The following PTK2 variants were observed in gnomAD, a reference collection of about 807,000 sequenced individuals.
PTK2 encodes protein tyrosine kinase 2, also known as focal adhesion kinase 1.
In PTK2, 45 loss-of-function variants were observed where a neutral mutation model predicts 150.1. That is an observed-to-expected ratio of 0.30 (90% CI 0.24 to 0.38). PTK2 has a LOEUF of 0.38. Ranked by LOEUF, PTK2 falls within the 10% of genes least tolerant of loss-of-function variation. PTK2 has a pLI of 1.00. For synonymous variants in PTK2, 432 were observed against 449.2 expected (o/e 0.96, Z 0.48); for missense variants, 919 against 1,307.3 (o/e 0.70, Z 4.58).
chr8:140,905,326 G>T (rs966707435), intron 2 of PTK2, among the ~76,000 whole-genome samples: 6 of 148,676 alleles, frequency 4.0e-5, no homozygotes, highest in Non-Finnish European at 9.0e-5. Context: ...AGGGATGGAG[G>T]AATATTTACC....
At chr8:140,946,548 A>G (rs764341106) in intron 1 of PTK2, among the ~76,000 whole-genome samples, 1 of 152,140 alleles carries the variant, frequency 6.6e-6, no homozygotes, top group Non-Finnish European at 1.5e-5. Context: ...CCTAAAACAG[A>G]TTATTTCCGT....
chr8:140,681,576 G>C (rs1176908247), intron 27 of PTK2, among the ~76,000 whole-genome samples: 7 of 152,094 alleles, frequency 4.6e-5, no homozygotes, highest in Admixed American at 6.5e-5. Flanking sequence ...AGGAGATCGA[G>C]ACCATCCCGG....
intron 29 of PTK2, 34 bp downstream of exon 33, chr8:140,669,693 G>A: frequency 6.5e-7 from 1 of 1,530,212 alleles, no homozygotes; most frequent in Non-Finnish European, 8.8e-7. Context: ...GATAGAGAGA[G>A]CTGGACAGAC....
intron 30 of PTK2, 86 bp from the exon 35 acceptor site, chr8:140,665,083 C>T: frequency 1.6e-6 from 2 of 1,267,178 alleles, no homozygotes; most frequent in South Asian, 2.8e-5. Flanking sequence ...ATTTCCTTTC[C>T]ACAAGTTTCA....
At chr8:140,870,702 T>C (rs985863744) in intron 4 of PTK2, among the ~76,000 whole-genome samples, 1 of 152,142 alleles carries the variant, frequency 6.6e-6, no homozygotes, top group Non-Finnish European at 1.5e-5. Flanking sequence ...TTACAAAGAC[T>C]TAAAAGACAA....
intron 17 of PTK2, among the ~76,000 whole-genome samples, chr8:140,749,143 T>G (rs1297628387): frequency 6.6e-6 from 1 of 152,214 alleles, no homozygotes; most frequent in Non-Finnish European, 1.5e-5. Flanking sequence ...GAACAGGACC[T>G]GGTAGTTTTT....
chr8:140,790,251 C>T (rs1209182163), intron 13 of PTK2, among the ~76,000 whole-genome samples: 2 of 152,124 alleles, frequency 1.3e-5, no homozygotes, highest in African/African-American at 4.8e-5. Flanking sequence ...GAAATATTGA[C>T]ATTTAAAACA....
intron 2 of PTK2, among the ~76,000 whole-genome samples, chr8:140,901,164 G>C (rs1284813208): frequency 1.3e-5 from 2 of 152,162 alleles, no homozygotes; most frequent in Non-Finnish European, 2.9e-5. Context: ...GTGGGGAAAT[G>C]ATAGTTCCTT....
chr8:140,875,703 A>G (rs1391267064), intron 4 of PTK2, among the ~76,000 whole-genome samples: 3 of 152,162 alleles, frequency 2.0e-5, no homozygotes, highest in Non-Finnish European at 4.4e-5. Context: ...TTATTCCCCT[A>G]CTGCACCATC....
chr8:140,857,562 C>T (rs773710896), intron 5 of PTK2, among the ~76,000 whole-genome samples: 13 of 152,074 alleles, frequency 8.5e-5, no homozygotes, highest in Non-Finnish European at 1.8e-4. Context: ...ACTGGGGTCA[C>T]AAGAAGGTAA....
At chr8:140,680,477 C>G (rs1320545798) in intron 27 of PTK2, among the ~76,000 whole-genome samples, 1 of 152,116 alleles carries the variant, frequency 6.6e-6, no homozygotes, top group Non-Finnish European at 1.5e-5. Flanking sequence ...TGATCCACCG[C>G]TCCTGGCCAC....
At chr8:140,755,202 G>C (rs1277010499) in intron 16 of PTK2, among the ~76,000 whole-genome samples, 6 of 152,194 alleles carry the variant, frequency 3.9e-5, no homozygotes, top group Non-Finnish European at 8.8e-5. Flanking sequence ...GAATGTGCCA[G>C]TGATCAGCAG....
chr8:140,977,235 T>G (rs2100189591), intron 1 of PTK2, among the ~76,000 whole-genome samples: 1 of 151,820 alleles, frequency 6.6e-6, no homozygotes, highest in African/African-American at 2.4e-5. Context: ...AAAGAAAATT[T>G]AAAAATTAGC....
chr8:140,762,435 ATAAC>A, intron 15 of PTK2, 47 bp from the exon 18 acceptor site: 1 of 1,023,512 alleles, frequency 9.8e-7, no homozygotes, highest in Non-Finnish European at 1.2e-6. Context: ...TTGCTTAGAA[ATAAC>A]TAACAGCAAT....
exon 4 of PTK2, chr8:140,879,587 G>A: frequency 6.3e-7 from 1 of 1,577,178 alleles, no homozygotes; most frequent in Non-Finnish European, 8.6e-7. Flanking sequence ...GGAATCCATA[G>A]CAGGCCACAT....
At chr8:140,989,109 G>A (rs890938761) in intron 1 of PTK2, among the ~76,000 whole-genome samples, 8 of 149,594 alleles carry the variant, frequency 5.3e-5, no homozygotes, top group African/African-American at 7.4e-5. Context: ...TGGGCACAGC[G>A]GCTCACACTT....
chr8:140,958,057 G>C (rs1439761928), intron 1 of PTK2, among the ~76,000 whole-genome samples: 1 of 152,128 alleles, frequency 6.6e-6, no homozygotes, highest in East Asian at 1.9e-4. Flanking sequence ...TTCTTGACAT[G>C]TTACATATTT....
At chr8:140,727,996 G>T (rs1327761001) in intron 22 of PTK2, among the ~76,000 whole-genome samples, 1 of 152,036 alleles carries the variant, frequency 6.6e-6, no homozygotes, top group African/African-American at 2.4e-5. Context: ...AGGAGTTCAG[G>T]ACCAGCCTGG....
intron 2 of PTK2, among the ~76,000 whole-genome samples, chr8:140,891,905 G>C (rs550510622): frequency 2.6e-5 from 4 of 152,228 alleles, no homozygotes; most frequent in African/African-American, 9.6e-5. Flanking sequence ...TACAATTCCT[G>C]CTCAGATCCA....
Sources: gnomAD v4.1 joint callset for allele counts (sites outside exome capture counted in the v4.1 genomes callset) on GRCh38, gnomAD v4.1.1 for gene constraint, MANE v1.5 for transcripts, NCBI Gene and HGNC (gene_info 2026-07-23, HGNC 2026-07-21) for gene names.